Variants in BCAS3 observed in about 807,000 individuals in gnomAD.
BCAS3 encodes the protein BCAS4/BCAS3 fusion.
Under a neutral mutation model 116.1 loss-of-function variants are expected in BCAS3, and 53 were observed. The ratio of observed to expected loss-of-function variants is 0.46; its 90% confidence interval spans 0.37 to 0.57. The LOEUF (loss-of-function observed/expected upper bound fraction) is 0.57, where lower values mean the gene tolerates loss of function less well. BCAS3 is among the 20% of genes least tolerant of loss of function. The pLI is 0.00. For missense variants in BCAS3, 917 were observed against 1,165.4 expected (o/e 0.79, Z 3.10); for synonymous variants, 391 against 408.2 (o/e 0.96, Z 0.51).
intron 22 of BCAS3, among the ~76,000 whole-genome samples, chr17:61,334,451 G>A (rs566420574): frequency 2.5e-4 from 38 of 152,248 alleles, no homozygotes; most frequent in Admixed American, 3.9e-4. Context: ...CGAATCACCT[G>A]AGTCAGGAGT....
intron 6 of BCAS3, among the ~76,000 whole-genome samples, chr17:60,762,465 C>T (rs1392989884): frequency 6.6e-6 from 1 of 152,056 alleles, no homozygotes; most frequent in African/African-American, 2.4e-5. Flanking sequence ...GAATCCTTTC[C>T]CCATTTCTTG....
At chr17:60,697,048 G>C (rs2035690409) in intron 4 of BCAS3, among the ~76,000 whole-genome samples, 1 of 151,498 alleles carries the variant, frequency 6.6e-6, no homozygotes, top group South Asian at 2.1e-4. Flanking sequence ...AAATTAGCTG[G>C]GTATGGTGGT....
chr17:61,006,474 A>G (rs941028944), intron 15 of BCAS3, among the ~76,000 whole-genome samples: 4 of 152,098 alleles, frequency 2.6e-5, no homozygotes, highest in Non-Finnish European at 4.4e-5. Context: ...ATAGGATTCT[A>G]TATTTTTTCC....
chr17:61,220,038 G>A lies in BCAS3; in HGVS notation c.2425+135474G>A, dbSNP rs2082021701. On this transcript the variant is annotated intron_variant, in intron 22 of 23. Coordinates refer to ENST00000407086, the MANE Select transcript of BCAS3 (RefSeq NM_017679.5). The surrounding 1 kb of genome is among the most constrained non-coding windows in gnomAD (Gnocchi z 4.5). ...CGGCCGGGCGCGGTGGCTCACGCCT[G>A]TAATCCCAGCACTTTGGGAGGTTGA... Among the ~76,000 whole-genome samples the A allele has an allele frequency of 6.6e-6, 1 of 152,170 alleles. No homozygotes were observed. Among genetic ancestry groups the A allele is most frequent in the Non-Finnish European group, 1.5e-5 (1 of 68,032 alleles).
intron 22 of BCAS3, among the ~76,000 whole-genome samples, chr17:61,334,347 T>G (rs1385364749): frequency 6.6e-6 from 1 of 152,150 alleles, no homozygotes; most frequent in Admixed American, 6.5e-5. Context: ...GATAGGATGA[T>G]AAAACCTATG....
rs2052543917 is a variant in BCAS3 at position 61,292,676 on chromosome 17, G to T, written c.2426-75651G>T. Reference sequence around the variant, plus strand: ...AAAAAACAAGAAAAAAGAAATGAGGGGTGAGGGGTCCTTTATGCTTGGGGG... The same window carrying T: ...AAAAAACAAGAAAAAAGAAATGAGGTGTGAGGGGTCCTTTATGCTTGGGGG... On this transcript the variant is annotated intron_variant, in intron 22 of 23. Coordinates refer to ENST00000407086, the MANE Select transcript of BCAS3 (RefSeq NM_017679.5). Among the ~76,000 whole-genome samples, 4 of 151,928 alleles carry T rather than the reference G, an allele frequency of 2.6e-5. No homozygotes were observed. In the South Asian group the frequency reaches 8.3e-4, roughly 32 times the overall value.
In BCAS3 at chr17:61,181,148, A is replaced by T. The variant is rs2079457321; in HGVS notation, c.2425+96584A>T. 1.3e-5 allele frequency among the ~76,000 whole-genome samples: 2 copies of T among 152,190 alleles called. No homozygotes were observed. On this transcript the variant is annotated intron_variant, in intron 22 of 23. Coordinates refer to ENST00000407086, the MANE Select transcript of BCAS3 (RefSeq NM_017679.5). The surrounding 1 kb of genome is among the most constrained non-coding windows in gnomAD (Gnocchi z 5.0). ...GCTGGGAGGATCACTTGACCCTAGG[A>T]ACTCGAGGCTGCATTGAGCTGTAAT...
chr17:61,163,553 A>G (rs1324040769), intron 22 of BCAS3, among the ~76,000 whole-genome samples: 1 of 152,206 alleles, frequency 6.6e-6, no homozygotes, highest in Non-Finnish European at 1.5e-5. Flanking sequence ...TTAGATCTGA[A>G]GTATAATTAC....
At position 61,040,793 on chromosome 17, in the gene BCAS3, A is replaced by G. The variant is rs1358808630; in HGVS notation, c.1930A>G (p.Thr644Ala). ...AATATTCTTCTCCTGTTTCCTTAGA[A>G]CCCCTCAATGGAATGAATTGCAGCC... ...SPRASWTLVRTPQWNELQPPF... is the reference protein window; with the variant it reads ...SPRASWTLVRAPQWNELQPPF... The change falls in exon 19 of 24, where the codon ACC (threonine) becomes GCC (alanine). Residue 644 changes from threonine (T) to alanine (A), a missense_variant and splice_region_variant. Thr to Ala is a moderately conservative substitution (Grantham distance 58). Coordinates refer to ENST00000407086, the MANE Select transcript of BCAS3 (RefSeq NM_017679.5). 3 of 1,611,886 alleles carry G rather than the reference A, an allele frequency of 1.9e-6. No homozygotes were observed. Among genetic ancestry groups the G allele is most frequent in the Non-Finnish European group, 2.5e-6 (3 of 1,178,440 alleles).
At position 61,013,835 on chromosome 17, in the gene BCAS3, C is replaced by A. The variant is rs1555668419; in HGVS notation, c.1487-1916C>A. ...AAGGAAGAAGTAACATTTGGTTAAGCCACTATCCTAATTCTGAAGCCACTG... is the reference window on the plus strand; with the variant it reads ...AAGGAAGAAGTAACATTTGGTTAAGACACTATCCTAATTCTGAAGCCACTG... On this transcript the variant is annotated intron_variant, in intron 15 of 23. Coordinates refer to ENST00000407086, the MANE Select transcript of BCAS3 (RefSeq NM_017679.5). This position sits in a 1 kb window ranked among gnomAD's most constrained non-coding sequence, Gnocchi z 4.4. 6.6e-6 allele frequency among the ~76,000 whole-genome samples: 1 copy of A among 151,996 alleles called. No individual in the cohort carries two copies. The highest frequency in any genetic ancestry group is 1.5e-5 in the Non-Finnish European group (1 of 67,962).
intron 22 of BCAS3, among the ~76,000 whole-genome samples, chr17:61,163,826 A>G (rs2078312435): frequency 1.3e-5 from 2 of 151,912 alleles, no homozygotes; most frequent in Non-Finnish European, 2.9e-5. Flanking sequence ...GTCTCTACTA[A>G]AAATACAAAA....
intron 22 of BCAS3, chr17:61,353,908 G>C (rs1477790710): frequency 2.6e-5 from 4 of 152,204 alleles, no homozygotes; most frequent in Non-Finnish European, 5.9e-5. Context: ...ATAAATTGTA[G>C]TAACGCCAGG....
chr17:61,224,260 G>A lies in BCAS3; in HGVS notation c.2425+139696G>A, dbSNP rs2082264633. Among the ~76,000 whole-genome samples the A allele has an allele frequency of 6.6e-6, 1 of 152,182 alleles. No homozygotes were observed. Among genetic ancestry groups the A allele is most frequent in the Non-Finnish European group, 1.5e-5 (1 of 68,040 alleles). Reference sequence around the variant, plus strand: ...GTAAAGTTCTTGTTAGCAGGAAGATGGACTGAGTATATGTATGACTATAAA... The same window carrying A: ...GTAAAGTTCTTGTTAGCAGGAAGATAGACTGAGTATATGTATGACTATAAA... On this transcript the variant is annotated intron_variant, in intron 22 of 23. Coordinates refer to ENST00000407086, the MANE Select transcript of BCAS3 (RefSeq NM_017679.5). This position sits in a 1 kb window ranked among gnomAD's most constrained non-coding sequence, Gnocchi z 5.7.
intron 6 of BCAS3, among the ~76,000 whole-genome samples, chr17:60,756,506 ATGAG>A (rs2043002314): frequency 6.6e-6 from 1 of 152,114 alleles, no homozygotes; most frequent in African/African-American, 2.4e-5. Flanking sequence ...GCTTCCACAT[ATGAG>A]TGAGAACATG....
intron 14 of BCAS3, among the ~76,000 whole-genome samples, chr17:60,989,013 TTATAAC>T (rs2063354363): frequency 1.3e-5 from 2 of 152,060 alleles, no homozygotes; most frequent in East Asian, 3.8e-4. Flanking sequence ...ATTTAGGTGC[TTATAAC>T]TATAAACTTC....
chr17:60,780,954 T>G (rs928771631), intron 6 of BCAS3, among the ~76,000 whole-genome samples: 4 of 152,116 alleles, frequency 2.6e-5, no homozygotes, highest in African/African-American at 9.7e-5. Flanking sequence ...TGGTTCTGTT[T>G]TATTTTTTGT....
intron 22 of BCAS3, among the ~76,000 whole-genome samples, chr17:61,317,180 C>T (rs1475520409): frequency 6.6e-6 from 1 of 152,112 alleles, no homozygotes; most frequent in East Asian, 1.9e-4. Context: ...GGTATTTGAT[C>T]AATTTGAGCA....
intron 22 of BCAS3, among the ~76,000 whole-genome samples, chr17:61,185,718 TA>T (rs2079730541): frequency 6.6e-6 from 1 of 152,180 alleles, no homozygotes; most frequent in South Asian, 2.1e-4. Flanking sequence ...ACGAATCAAT[TA>T]AAAGCATGTC....
Position 60,967,517 on chromosome 17 carries a change from C to A in BCAS3, c.1221+20165C>A, listed in dbSNP as rs1310441190. ...TTTCATTATTATACGTGTTAGAGTA[C>A]TTTTATTTGGGTTGAGTGTTGTTCT... On this transcript the variant is annotated intron_variant, in intron 14 of 23. Transcript: ENST00000407086. The surrounding 1 kb of genome is among the most constrained non-coding windows in gnomAD (Gnocchi z 4.7). Among the ~76,000 whole-genome samples, 1 of 152,118 alleles carries A rather than the reference C, an allele frequency of 6.6e-6. No individual in the cohort carries two copies.
Sources: gnomAD v4.1 joint callset for allele counts (sites outside exome capture counted in the v4.1 genomes callset) on GRCh38, gnomAD v4.1.1 for gene constraint, Gnocchi (gnomAD v3.1) non-coding constraint, MANE v1.5 for transcripts, NCBI Gene and HGNC (gene_info 2026-07-23, HGNC 2026-07-21) for gene names.